The following ITCH variants were observed in gnomAD, a reference collection of about 807,000 sequenced individuals.
ITCH encodes E3 ubiquitin-protein ligase Itchy homolog.
In ITCH, 28 loss-of-function variants were observed where a neutral mutation model predicts 126.8. The ratio of observed to expected loss-of-function variants is 0.22; its 90% confidence interval spans 0.16 to 0.30. The LOEUF (loss-of-function observed/expected upper bound fraction) is 0.30. Among genes scored for constraint, ITCH ranks in the 10% least tolerant of loss-of-function variants. The probability of loss-of-function intolerance (pLI) is 1.00; values close to 1 mark genes in which losing one functional copy is unlikely to be tolerated. For missense variants in ITCH, 631 were observed against 1,032.4 expected (o/e 0.61, Z 5.33); for synonymous variants, 342 against 340.0 (o/e 1.01, Z -0.06).
chr20:34,489,456 C>A, intron 21 of ITCH, 70 bp downstream of exon 21: 1 of 1,412,348 alleles, frequency 7.1e-7, no homozygotes, highest in Admixed American at 1.7e-5. Context: ...GCTTTTAACT[C>A]ACTTTCCCAT....
intron 20 of ITCH, 59 bp downstream of exon 20, chr20:34,481,265 C>T: frequency 6.7e-7 from 1 of 1,490,852 alleles, no homozygotes; most frequent in Non-Finnish European, 9.3e-7. Flanking sequence ...TTGATAATTG[C>T]TTACTAATAC....
In ITCH at chr20:34,393,850, C is replaced by T; in HGVS notation, c.39C>T (p.Ser13=). 6.2e-7 allele frequency: 1 copy of T among 1,613,988 alleles called. No individual in the cohort carries two copies. Among genetic ancestry groups the T allele is most frequent in the Non-Finnish European group, 8.5e-7 (1 of 1,179,910 alleles). ...DSGSQLGSMG[S]LTMKSQLQIT... ...GATCACAACTTGGTTCAATGGGTAG[C>T]CTCACCATGAAATCACAGCTTCAGA... is the stretch of plus-strand genomic sequence containing the variant. The change falls in exon 3 of 25, where the codon AGC becomes AGT. Residue 13 remains serine (S), a synonymous_variant. Transcript: ENST00000374864.
At chr20:34,456,199 TATATATATATATATA>T (rs1381070450) in intron 12 of ITCH, among the ~76,000 whole-genome samples, 10 of 24,680 alleles carry the variant, frequency 4.1e-4, no homozygotes, top group Non-Finnish European at 5.1e-4. Flanking sequence ...TATATATATA[TATATATATATATATA>T]TTTTTTTTTT....
intron 13 of ITCH, among the ~76,000 whole-genome samples, chr20:34,460,033 A>G (rs929851213): frequency 1.3e-5 from 2 of 152,228 alleles, no homozygotes; most frequent in Non-Finnish European, 2.9e-5. Context: ...TTAACAACAC[A>G]GATGACCTAG....
intron 2 of ITCH, among the ~76,000 whole-genome samples, chr20:34,385,047 C>T (rs1188807459): frequency 6.6e-6 from 1 of 151,470 alleles, no homozygotes; most frequent in Non-Finnish European, 1.5e-5. Flanking sequence ...CCGAGTCTCA[C>T]TCTGTCGCTC....
chr20:34,468,945 A>G (rs1214759876), intron 14 of ITCH, among the ~76,000 whole-genome samples: 1 of 152,212 alleles, frequency 6.6e-6, no homozygotes, highest in African/African-American at 2.4e-5. Context: ...AGTGAATTTA[A>G]CAGCGTAACA....
intron 12 of ITCH, among the ~76,000 whole-genome samples, chr20:34,456,158 T>TTG (rs1161624865): frequency 0.011 from 506 of 47,668 alleles, 17 homozygotes; most frequent in South Asian, 0.035. Flanking sequence ...TTTTTATATA[T>TTG]TGTGTGTGTG....
Position 34,374,030 on chromosome 20 carries a change from G to GC in ITCH, c.-22+4563dup, listed in dbSNP as rs536673144. ...CTCCCATGTAGCTGGGACTACAGGT[G>GC]CCCACCACCACGCCTGGCTAATTTT... is the stretch of plus-strand genomic sequence containing the variant. On this transcript the variant is annotated intron_variant, in intron 2 of 24. Coordinates refer to ENST00000374864, the MANE Select transcript of ITCH (RefSeq NM_031483.7). Among the ~76,000 whole-genome samples the GC allele has an allele frequency of 8.5e-5, 13 of 152,084 alleles. No individual in the cohort carries two copies. The East Asian group carries it at 2.3e-3, about 27-fold the overall frequency.
intron 2 of ITCH, among the ~76,000 whole-genome samples, chr20:34,369,724 T>C (rs1413576067): frequency 6.6e-6 from 1 of 152,216 alleles, no homozygotes; most frequent in Non-Finnish European, 1.5e-5. Flanking sequence ...TGCATACTTT[T>C]TCTATTTGTG....
At position 34,363,333 on chromosome 20, in the gene ITCH, C is replaced by A. The variant is rs933404904; in HGVS notation, c.-115C>A. On this transcript the variant is annotated 5_prime_UTR_variant, in exon 1 of 25. Coordinates refer to ENST00000374864, the MANE Select transcript of ITCH (RefSeq NM_031483.7). ...CTTAGTCTAGGGACTGAGGAGTCGC[C>A]GCCGCCCCGAGTCCCGGTAAACCCC... is the stretch of plus-strand genomic sequence containing the variant. The A allele has an allele frequency of 1.3e-5, 2 of 152,476 alleles. No individual in the cohort carries two copies. The highest frequency in any genetic ancestry group is 2.9e-5 in the Non-Finnish European group (2 of 68,062). The allele number at this position is 152,476 out of a possible 1,614,324, so 9.4% of individuals were successfully genotyped here. A position where few individuals can be genotyped will look rare whatever the true frequency, so the allele number is the denominator to read the frequency against.
intron 2 of ITCH, among the ~76,000 whole-genome samples, chr20:34,377,368 T>C (rs1409777867): frequency 6.6e-6 from 1 of 152,136 alleles, no homozygotes; most frequent in African/African-American, 2.4e-5. Context: ...AGCGAGACCC[T>C]GTCTCAAAAA....
chr20:34,454,421 G>A (rs1357861930), intron 12 of ITCH: 2 of 152,186 alleles, frequency 1.3e-5, no homozygotes, highest in African/African-American at 4.8e-5. Context: ...ACAGGTGTGA[G>A]CCACCGCGCC....
At chr20:34,397,058 C>G (rs1356429314) in intron 3 of ITCH, among the ~76,000 whole-genome samples, 2 of 151,934 alleles carry the variant, frequency 1.3e-5, no homozygotes, top group Non-Finnish European at 2.9e-5. Flanking sequence ...GACAGAGTCT[C>G]TGTCGCCCAG....
intron 13 of ITCH, among the ~76,000 whole-genome samples, chr20:34,458,223 T>G (rs1265149247): frequency 5.9e-5 from 9 of 152,178 alleles, no homozygotes; most frequent in Non-Finnish European, 1.5e-5. Context: ...CCTAGGAGTT[T>G]GCCATCAGTA....
chr20:34,438,777 G>A (rs559923514), intron 8 of ITCH, 146 bp downstream of exon 8: 2 of 1,056,226 alleles, frequency 1.9e-6, no homozygotes, highest in African/African-American at 1.6e-5. Context: ...CTTTCTGTAG[G>A]TAACCAAAAG....
intron 23 of ITCH, among the ~76,000 whole-genome samples, chr20:34,503,877 T>TTTG (rs1600514271): frequency 4.6e-5 from 5 of 109,222 alleles, no homozygotes; most frequent in Middle Eastern, 9.7e-3. Flanking sequence ...TTGGTTTTTT[T>TTTG]TTTTTTGGTT....
chr20:34,461,788 T>G (rs1342993887), intron 13 of ITCH, among the ~76,000 whole-genome samples: 1 of 147,854 alleles, frequency 6.8e-6, no homozygotes, highest in Non-Finnish European at 1.5e-5. Flanking sequence ...GAAATAGAGA[T>G]GAACGTGAAG....
At chr20:34,402,898 T>A (rs1159384827) in intron 3 of ITCH, among the ~76,000 whole-genome samples, 1 of 152,240 alleles carries the variant, frequency 6.6e-6, no homozygotes, top group Non-Finnish European at 1.5e-5. Flanking sequence ...GATGTCATCT[T>A]GATTTTAGTT....
intron 23 of ITCH, among the ~76,000 whole-genome samples, chr20:34,495,677 G>A (rs191255479): frequency 1.8e-4 from 28 of 151,894 alleles, no homozygotes; most frequent in Admixed American, 1.3e-3. Flanking sequence ...TTCTTTATCC[G>A]TTTACCTGAT....
Sources: gnomAD v4.1 joint callset for allele counts (sites outside exome capture counted in the v4.1 genomes callset) on GRCh38, gnomAD v4.1.1 for gene constraint, MANE v1.5 for transcripts, NCBI Gene and HGNC (gene_info 2026-07-23, HGNC 2026-07-21) for gene names.